AGMO: variants seen among roughly 807,000 people sequenced by gnomAD.
The protein encoded by AGMO is alkylglycerol monooxygenase.
In AGMO, 75 loss-of-function variants were observed where a neutral mutation model predicts 60.2. The observed-to-expected ratio is 1.25, with a 90% CI of 1.03 to 1.51. The LOEUF (loss-of-function observed/expected upper bound fraction) is 1.51. Ranked by LOEUF, AGMO falls within the 40% of genes most tolerant of loss-of-function variation. The pLI, the probability that AGMO is intolerant of heterozygous loss-of-function variation, is 0.00. For missense variants in AGMO, 763 were observed against 525.5 expected (o/e 1.45, Z -4.42); for synonymous variants, 261 against 177.1 (o/e 1.47, Z -3.76).
At chr7:15,288,139 T>C (rs1029681957) in intron 12 of AGMO, among the ~76,000 whole-genome samples, 1 of 152,120 alleles carries the variant, frequency 6.6e-6, no homozygotes, top group Non-Finnish European at 1.5e-5. Flanking sequence ...TTCTCCTGCC[T>C]TGGCCTCCTG....
chr7:15,413,653 T>C (rs1780676965), intron 5 of AGMO, among the ~76,000 whole-genome samples: 1 of 151,898 alleles, frequency 6.6e-6, no homozygotes, highest in Non-Finnish European at 1.5e-5. Flanking sequence ...TTAAAGACAA[T>C]GAGATAAACT....
At chr7:15,561,151 T>C (rs917635560) in intron 1 of AGMO, among the ~76,000 whole-genome samples, 2 of 152,134 alleles carry the variant, frequency 1.3e-5, no homozygotes, top group African/African-American at 4.8e-5. Context: ...AGTATTCAAG[T>C]TCTAATTCTG....
intron 3 of AGMO, among the ~76,000 whole-genome samples, chr7:15,492,724 G>C (rs1006254669): frequency 6.6e-5 from 10 of 152,046 alleles, no homozygotes; most frequent in Admixed American, 2.6e-4. Context: ...TTGAGACTTA[G>C]ATGGTATGCA....
intron 3 of AGMO, among the ~76,000 whole-genome samples, chr7:15,448,638 C>A (rs1261598279): frequency 1.4e-5 from 2 of 146,846 alleles, no homozygotes; most frequent in Non-Finnish European, 3.0e-5. Flanking sequence ...TTGCCTAGGC[C>A]ATTGCCAAGA....
rs141599189 is a variant in AGMO at position 15,316,866 on chromosome 7, T to C, written c.1263+48648A>G. Among the ~76,000 whole-genome samples, 1,316 of 152,262 alleles carry C rather than the reference T, an allele frequency of 8.6e-3. 42 individuals carry two copies. The highest frequency in any genetic ancestry group is 0.069 in the Admixed American group (1,061 of 15,278). The stretch of plus-strand genomic sequence containing the variant: ...TAAATTATTTGATTATTTTAGACAG[T>C]ATGTAGACGTCATAACCCACTCTGC... On this transcript the variant is annotated intron_variant, in intron 12 of 12. Transcript: ENST00000342526.
rs79853734 is a variant in AGMO at position 15,234,318 on chromosome 7, C to G, written c.1264-32959G>C. On this transcript the variant is annotated intron_variant, in intron 12 of 12. Coordinates refer to ENST00000342526, the MANE Select transcript of AGMO (RefSeq NM_001004320.2). Reference sequence around the variant, plus strand: ...CCTTATTCTGTGTAAATGTCTATCTCTCCCAAGGTTAGTGTCACATTTTTC... The same window carrying G: ...CCTTATTCTGTGTAAATGTCTATCTGTCCCAAGGTTAGTGTCACATTTTTC... Among the ~76,000 whole-genome samples the G allele has an allele frequency of 1.6e-3, 244 of 152,272 alleles. 2 individuals are homozygous for G. Among genetic ancestry groups the G allele is most frequent in the African/African-American group, 5.6e-3 (232 of 41,562 alleles).
chr7:15,515,742 A>G (rs1309047913), intron 3 of AGMO, among the ~76,000 whole-genome samples: 1 of 152,222 alleles, frequency 6.6e-6, no homozygotes, highest in Non-Finnish European at 1.5e-5. Context: ...AATATATTTC[A>G]AAAAGCACAA....
intron 3 of AGMO, among the ~76,000 whole-genome samples, chr7:15,478,946 T>C (rs1273517048): frequency 1.3e-5 from 2 of 152,132 alleles, no homozygotes; most frequent in Non-Finnish European, 2.9e-5. Context: ...AGGATAGGTA[T>C]GGGAAACTTA....
At chr7:15,332,171 G>A (rs1781516657) in intron 12 of AGMO, among the ~76,000 whole-genome samples, 1 of 152,078 alleles carries the variant, frequency 6.6e-6, no homozygotes, top group African/African-American at 2.4e-5. Context: ...TTACAATCGT[G>A]TTAAGCCAGT....
intron 3 of AGMO, among the ~76,000 whole-genome samples, chr7:15,495,844 TCTCTCTCTCCTCTCTCTCTCTC>T (rs1562536413): frequency 1.1e-5 from 1 of 87,432 alleles, no homozygotes; most frequent in Non-Finnish European, 2.7e-5. Context: ...CTCTCTCTCC[TCTCTCTCTCCTCTCTCTCTCTC>T]CTCTCTCTCT....
intron 12 of AGMO, among the ~76,000 whole-genome samples, chr7:15,331,569 T>C (rs1781499148): frequency 6.6e-6 from 1 of 152,188 alleles, no homozygotes; most frequent in Admixed American, 6.5e-5. Flanking sequence ...CAACACTATG[T>C]GTTCACTAAA....
rs754410707 is a variant in AGMO, at chr7:15,387,533, T to C, written c.830A>G (p.His277Arg). 86 of 1,606,156 alleles carry C rather than the reference T, an allele frequency of 5.4e-5. No individual in the cohort carries two copies. Among genetic ancestry groups the C allele is most frequent in the Non-Finnish European group, 7.0e-5 (83 of 1,178,318 alleles). ...TFEPIKVQFH[H>R]LFSIWTTFWA... The stretch of plus-strand genomic sequence containing the variant: ...GAATGTAGTCCATATGGAAAATAAG[T>C]GATGGAACTAGAAACAATAAAAAAA... Residue 277 changes from histidine to arginine, a missense_variant, in exon 9 of 13, where the codon CAC (histidine) becomes CGC (arginine). His to Arg is a conservative substitution (Grantham distance 29). Coordinates refer to ENST00000342526, the MANE Select transcript of AGMO (RefSeq NM_001004320.2).
chr7:15,117,772 G>T, the AGMO span, among the ~76,000 whole-genome samples: 1 of 151,972 alleles, frequency 6.6e-6, no homozygotes, highest in Non-Finnish European at 1.5e-5. Flanking sequence ...AACTTCAGAT[G>T]GGTGTTGGAT....
chr7:15,398,105 CAT>C (rs367799849), intron 5 of AGMO, among the ~76,000 whole-genome samples: 100 of 152,230 alleles, frequency 6.6e-4, no homozygotes, highest in African/African-American at 2.2e-3. Context: ...TGGTGCCCAA[CAT>C]GTGTTACAAA....
At chr7:15,277,702 T>C (rs376409382) in intron 12 of AGMO, among the ~76,000 whole-genome samples, 2 of 152,332 alleles carry the variant, frequency 1.3e-5, no homozygotes, top group East Asian at 3.9e-4. Context: ...TTACAGGTAA[T>C]AGCCAATTGC....
intron 12 of AGMO, among the ~76,000 whole-genome samples, chr7:15,328,107 TTTTTA>T (rs1781400982): frequency 1.3e-5 from 2 of 150,166 alleles, no homozygotes; most frequent in South Asian, 2.1e-4. Flanking sequence ...CTTCTTTTCT[TTTTTA>T]TTTTTTTTCC....
At chr7:15,507,712 G>A (rs368196354) in intron 3 of AGMO, among the ~76,000 whole-genome samples, 11 of 152,226 alleles carry the variant, frequency 7.2e-5, no homozygotes, top group African/African-American at 2.6e-4. Flanking sequence ...ACTAGTTGAT[G>A]ATATTAAGAA....
At chr7:15,239,160 A>C (rs186269523) in intron 12 of AGMO, among the ~76,000 whole-genome samples, 27 of 152,250 alleles carry the variant, frequency 1.8e-4, no homozygotes, top group African/African-American at 5.8e-4. Context: ...TGTTGATGAG[A>C]AAAGGCTGAG....
intron 4 of AGMO, among the ~76,000 whole-genome samples, chr7:15,423,950 T>G (rs4499985): frequency 6.6e-6 from 1 of 152,118 alleles, no homozygotes; most frequent in South Asian, 2.1e-4. Flanking sequence ...TACAGCAGCC[T>G]CAGGAAATTA....
Sources: gnomAD v4.1 joint callset for allele counts (sites outside exome capture counted in the v4.1 genomes callset) on GRCh38, gnomAD v4.1.1 for gene constraint, MANE v1.5 for transcripts, NCBI Gene and HGNC (gene_info 2026-07-23, HGNC 2026-07-21) for gene names.